The following GPC6 variants were observed in gnomAD, a reference collection of about 807,000 sequenced individuals.
GPC6 encodes glypican 6.
A neutral mutation model predicts 55.2 loss-of-function variants in GPC6; 14 were observed. That is an observed-to-expected ratio of 0.25 (90% confidence interval 0.17 to 0.40). GPC6 has a LOEUF of 0.40. Among genes scored for constraint, GPC6 ranks in the 10% least tolerant of loss-of-function variants. The pLI is 1.00. For synonymous variants in GPC6, 278 were observed against 259.6 expected, an observed-to-expected ratio of 1.07 and a Z score of -0.68; for missense variants, 641 against 708.5, an observed-to-expected ratio of 0.90 and a Z score of 1.08.
chr13:93,931,765 GAAAAAAAAAAAAA>G (rs545578327), intron 3 of GPC6, among the ~76,000 whole-genome samples: 1 of 49,710 alleles, frequency 2.0e-5, no homozygotes, highest in South Asian at 7.2e-4. Flanking sequence ...CTCTGTCTCA[GAAAAAAAAAAAAA>G]AAAAAAAAAA....
chr13:93,761,637 T>C (rs1431772053), intron 2 of GPC6, among the ~76,000 whole-genome samples: 3 of 152,122 alleles, frequency 2.0e-5, no homozygotes, highest in Non-Finnish European at 4.4e-5. Flanking sequence ...CTACCTCAGC[T>C]AGGACTACAG....
chr13:93,819,446 T>C (rs1268048307), intron 2 of GPC6, among the ~76,000 whole-genome samples: 1 of 152,126 alleles, frequency 6.6e-6, no homozygotes, highest in Admixed American at 6.5e-5. Flanking sequence ...AAAAAAAAGC[T>C]GGGAATGATT....
chr13:93,736,640 C>T (rs549246572), intron 2 of GPC6, among the ~76,000 whole-genome samples: 1 of 152,036 alleles, frequency 6.6e-6, no homozygotes, highest in East Asian at 1.9e-4. Context: ...AATTAAATGT[C>T]TGATGCTTAA....
chr13:94,382,663 G>A lies in GPC6; in HGVS notation c.1289+113G>A, dbSNP rs9589985. On this transcript the variant is annotated intron_variant, in intron 7 of 8. Transcript: ENST00000377047. The stretch of plus-strand genomic sequence containing the variant: ...ATGCAAAAAGCAACAGAGGGTGGAG[G>A]GACAAGTCATCACTTAGCAACAGCT... 9.9e-3 allele frequency: 13,744 copies of A among 1,391,956 alleles called. 983 individuals are homozygous for A. In the African/African-American group the frequency reaches 0.16, roughly 17 times the overall value. 86.2% of individuals were successfully genotyped at this position (1,391,956 alleles called of 1,614,324 possible).
intron 3 of GPC6, among the ~76,000 whole-genome samples, chr13:94,021,154 TA>T (rs1402826863): frequency 1.3e-5 from 2 of 152,070 alleles, no homozygotes; most frequent in Non-Finnish European, 2.9e-5. Flanking sequence ...TTACTTACAT[TA>T]ACTTATCTAT....
intron 2 of GPC6, among the ~76,000 whole-genome samples, chr13:93,730,438 T>C (rs1883782340): frequency 6.6e-6 from 1 of 152,234 alleles, no homozygotes. Flanking sequence ...AATGTCCTTG[T>C]TGCTGTTTCA....
At chr13:93,911,558 G>A (rs912760235) in intron 3 of GPC6, among the ~76,000 whole-genome samples, 6 of 152,182 alleles carry the variant, frequency 3.9e-5, no homozygotes, top group African/African-American at 1.4e-4. Flanking sequence ...CTGCATGGCA[G>A]TGTTGGGAAA....
intron 1 of GPC6, among the ~76,000 whole-genome samples, chr13:93,394,127 C>G (rs987182214): frequency 1.3e-5 from 2 of 152,268 alleles, no homozygotes; most frequent in Admixed American, 6.5e-5. Flanking sequence ...ATATTACTAC[C>G]TCTATAAAGT....
chr13:93,867,056 G>C (rs1335583110), intron 3 of GPC6, among the ~76,000 whole-genome samples: 1 of 151,542 alleles, frequency 6.6e-6, no homozygotes, highest in Non-Finnish European at 1.5e-5. Context: ...TAGTGGTTGG[G>C]GTAGGAGATG....
intron 1 of GPC6, among the ~76,000 whole-genome samples, chr13:93,308,384 T>A (rs1490386766): frequency 6.6e-6 from 1 of 152,226 alleles, no homozygotes; most frequent in Non-Finnish European, 1.5e-5. Flanking sequence ...GCATAGCAAG[T>A]CCTCTGACAC....
intron 3 of GPC6, among the ~76,000 whole-genome samples, chr13:93,915,991 C>T (rs545709018): frequency 9.2e-5 from 14 of 152,222 alleles, no homozygotes; most frequent in Non-Finnish European, 1.6e-4. Flanking sequence ...GCCAAGATGC[C>T]GTCTCACTGC....
intron 4 of GPC6, among the ~76,000 whole-genome samples, chr13:94,180,931 A>G (rs1307737316): frequency 1.3e-5 from 2 of 152,108 alleles, no homozygotes; most frequent in Non-Finnish European, 2.9e-5. Context: ...GCTTTAATGT[A>G]TTACAGCAAT....
intron 1 of GPC6, among the ~76,000 whole-genome samples, chr13:93,281,076 C>A (rs1877934822): frequency 6.6e-6 from 1 of 152,144 alleles, no homozygotes; most frequent in Non-Finnish European, 1.5e-5. Flanking sequence ...AATAATGTGT[C>A]CAAAGTCATT....
chr13:93,487,493 G>A (rs1376537470), intron 1 of GPC6, among the ~76,000 whole-genome samples: 1 of 152,168 alleles, frequency 6.6e-6, no homozygotes, highest in Non-Finnish European at 1.5e-5. Context: ...TTATCTGAAG[G>A]AATACCTTTA....
chr13:93,779,880 C>T (rs946108994), intron 2 of GPC6, among the ~76,000 whole-genome samples: 4 of 152,150 alleles, frequency 2.6e-5, no homozygotes, highest in African/African-American at 7.2e-5. Context: ...TGGATATTCC[C>T]TCATTTGTGT....
In GPC6 at chr13:94,093,316, T is replaced by A. The variant is rs577787846; in HGVS notation, c.877+65422T>A. 2.0e-4 allele frequency among the ~76,000 whole-genome samples: 30 copies of A among 152,244 alleles called. No homozygotes were observed. In the East Asian group the frequency reaches 3.5e-3, roughly 18 times the overall value. ...TATTGTGTGAGATAATGGTCCAAACTGCATATGGATATCTAGTTTTTCTAG... is the reference window on the plus strand; with the variant it reads ...TATTGTGTGAGATAATGGTCCAAACAGCATATGGATATCTAGTTTTTCTAG... On this transcript the variant is annotated intron_variant, in intron 4 of 8. Coordinates refer to ENST00000377047, the MANE Select transcript of GPC6 (RefSeq NM_005708.5).
intron 2 of GPC6, among the ~76,000 whole-genome samples, chr13:93,751,987 T>A (rs1781054458): frequency 1.3e-5 from 2 of 152,150 alleles, no homozygotes; most frequent in Admixed American, 6.6e-5. Context: ...CAGGCTGTAT[T>A]TTCTCTGACA....
At chr13:93,820,931 A>G (rs1238515198) in intron 2 of GPC6, among the ~76,000 whole-genome samples, 2 of 152,194 alleles carry the variant, frequency 1.3e-5, no homozygotes, top group Non-Finnish European at 2.9e-5. Flanking sequence ...ACATTTTAAC[A>G]TATGAAAATA....
intron 2 of GPC6, among the ~76,000 whole-genome samples, chr13:93,622,549 G>A (rs1384184209): frequency 6.6e-6 from 1 of 151,992 alleles, no homozygotes; most frequent in African/African-American, 2.4e-5. Flanking sequence ...GAGACTGGAG[G>A]GCTACATTTT....
Sources: allele counts gnomAD v4.1 joint callset (sites outside exome capture counted in the v4.1 genomes callset), GRCh38; gene constraint gnomAD v4.1.1; transcripts MANE v1.5; gene names NCBI Gene and HGNC (gene_info 2026-07-23, HGNC 2026-07-21).